Variants in MMRN1 observed in about 807,000 individuals in gnomAD.
MMRN1 encodes multimerin 1, also known as multimerin-1.
MMRN1 carries 94 observed loss-of-function variants against 100.7 expected under a neutral mutation model. That is an observed-to-expected ratio of 0.93 (90% CI 0.79 to 1.11). The LOEUF (loss-of-function observed/expected upper bound fraction) is 1.11. Among genes scored for constraint, MMRN1 ranks in the 50% least tolerant of loss-of-function variants. The pLI is 0.00. For synonymous variants in MMRN1, 575 were observed against 505.0 expected, an observed-to-expected ratio of 1.14 and a Z score of -1.86; for missense variants, 1,606 against 1,439.1, an observed-to-expected ratio of 1.12 and a Z score of -1.88.
chr4:89,947,109 C>T (rs1029263589), intron 6 of MMRN1, among the ~76,000 whole-genome samples: 1 of 152,056 alleles, frequency 6.6e-6, no homozygotes, highest in African/African-American at 2.4e-5. Context: ...CGGTGAAACC[C>T]CGTCTCTGCT....
At chr4:89,926,836 T>C (rs1011969401) in intron 4 of MMRN1, among the ~76,000 whole-genome samples, 1 of 152,184 alleles carries the variant, frequency 6.6e-6, no homozygotes, top group South Asian at 2.1e-4. Context: ...TCTAGAGTCA[T>C]TATTCTGCAT....
chr4:89,886,300 C>A (rs752094613), intron 1 of MMRN1, among the ~76,000 whole-genome samples: 3 of 152,050 alleles, frequency 2.0e-5, no homozygotes, highest in Non-Finnish European at 2.9e-5. Context: ...GTTATTGCTG[C>A]TTTGACTGAG....
intron 1 of MMRN1, among the ~76,000 whole-genome samples, chr4:89,900,176 T>C (rs1721339189): frequency 6.6e-6 from 1 of 152,112 alleles, no homozygotes; most frequent in Admixed American, 6.6e-5. Context: ...ATCTGACCAC[T>C]AGTGACTGAA....
chr4:89,891,355 C>T (rs1264894682), upstream of MMRN1, among the ~76,000 whole-genome samples: 1 of 151,998 alleles, frequency 6.6e-6, no homozygotes, highest in Admixed American at 6.6e-5. Context: ...GGAGTATGGT[C>T]ATAGCTTCAT....
At chr4:89,939,252 T>C (rs1250879644) in intron 6 of MMRN1, among the ~76,000 whole-genome samples, 1 of 152,130 alleles carries the variant, frequency 6.6e-6, no homozygotes, top group Non-Finnish European at 1.5e-5. Context: ...CCCACATAAC[T>C]AAAGCCAGAA....
chr4:89,945,076 T>G (rs188749950), intron 6 of MMRN1, among the ~76,000 whole-genome samples: 1 of 152,292 alleles, frequency 6.6e-6, no homozygotes, highest in African/African-American at 2.4e-5. Flanking sequence ...AATTCTATTT[T>G]TTCCAGAATA....
intron 3 of MMRN1, among the ~76,000 whole-genome samples, chr4:89,917,137 G>A (rs983111278): frequency 2.0e-5 from 3 of 151,590 alleles, no homozygotes; most frequent in Non-Finnish European, 4.4e-5. Flanking sequence ...GACAGAGAGA[G>A]CCCTTGCCCT....
upstream of MMRN1, among the ~76,000 whole-genome samples, chr4:89,890,878 T>C (rs1410462428): frequency 6.6e-6 from 1 of 152,072 alleles, no homozygotes; most frequent in Non-Finnish European, 1.5e-5. Context: ...TATGTTGTTT[T>C]TTTTTCCTGA....
At chr4:89,883,111 C>G (rs1026579540) in intron 1 of MMRN1, among the ~76,000 whole-genome samples, 1 of 152,022 alleles carries the variant, frequency 6.6e-6, no homozygotes, top group African/African-American at 2.4e-5. Context: ...CTTTTCATTG[C>G]AGAATATTAT....
At chr4:89,893,469 C>T (rs1221620965), upstream of MMRN1, among the ~76,000 whole-genome samples, 1 of 152,068 alleles carries the variant, frequency 6.6e-6, no homozygotes, top group Non-Finnish European at 1.5e-5. Context: ...GAGAAAATAT[C>T]TACAATAAAA....
chr4:89,922,949 T>C (rs529470680), intron 3 of MMRN1, among the ~76,000 whole-genome samples: 6 of 152,298 alleles, frequency 3.9e-5, no homozygotes, highest in Admixed American at 6.5e-5. Context: ...TAATTTTATT[T>C]TTTTTTCCAA....
At chr4:89,914,468 T>C (rs1161732200) in intron 3 of MMRN1, among the ~76,000 whole-genome samples, 1 of 151,392 alleles carries the variant, frequency 6.6e-6, no homozygotes, top group Non-Finnish European at 1.5e-5. Flanking sequence ...GATTACCTTA[T>C]AAAAATATTC....
At chr4:89,933,907 T>C (rs1339080866) in intron 5 of MMRN1, among the ~76,000 whole-genome samples, 2 of 152,220 alleles carry the variant, frequency 1.3e-5, no homozygotes, top group Non-Finnish European at 2.9e-5. Flanking sequence ...CTCTAGTATA[T>C]GTATCTTTTC....
chr4:89,932,269 A>G (rs973763756), intron 5 of MMRN1, among the ~76,000 whole-genome samples: 4 of 152,162 alleles, frequency 2.6e-5, no homozygotes, highest in African/African-American at 9.7e-5. Flanking sequence ...GTGGGTCCCC[A>G]TGGTGGTGGG....
At chr4:89,951,158 G>GT (rs151005856) in intron 6 of MMRN1, among the ~76,000 whole-genome samples, 1 of 151,646 alleles carries the variant, frequency 6.6e-6, no homozygotes, top group Non-Finnish European at 1.5e-5. Flanking sequence ...AATCATATTG[G>GT]TTTTTTTATA....
chr4:89,936,248 A>G lies in MMRN1; in HGVS notation c.2568A>G (p.Lys856=). The G allele has an allele frequency of 6.2e-7, 1 of 1,603,522 alleles. No homozygotes were observed. Among genetic ancestry groups the G allele is most frequent in the South Asian group, 1.1e-5 (1 of 88,202 alleles). The part of the protein sequence containing the change: ...EKLLLTTKIS[K]NFETRLQDIE... ...TACTCTTAACTACCAAGATTTCCAAAAATTTTGAGACTCGGTTGCAAGACA... is the reference window on the plus strand; with the variant it reads ...TACTCTTAACTACCAAGATTTCCAAGAATTTTGAGACTCGGTTGCAAGACA... The change falls in exon 6 of 8, where the codon AAA becomes AAG. Residue 856 remains lysine, a synonymous_variant. Transcript: ENST00000264790.
rs745711366 is a variant in MMRN1, at chr4:89,895,500, C to A, written c.529C>A (p.Arg177=). ...GVGGTGGVGN[R]APRETYLSRG... is the part of the protein sequence containing the mutation. ...TGGAGGCACTGGAGGCGTGGGAAAT[C>A]GAGCCCCACGGGAAACATACCTCAG... The change falls in exon 1 of 8, where the codon CGA becomes AGA. Residue 177 remains arginine, a synonymous_variant. Coordinates refer to ENST00000264790, the MANE Select transcript of MMRN1 (RefSeq NM_007351.3). The A allele has an allele frequency of 1.9e-6, 3 of 1,613,652 alleles. No individual in the cohort carries two copies. The highest frequency in any genetic ancestry group is 2.7e-5 in the African/African-American group (2 of 74,886).
At chr4:89,885,284 C>T (rs1456278760) in intron 1 of MMRN1, among the ~76,000 whole-genome samples, 1 of 151,910 alleles carries the variant, frequency 6.6e-6, no homozygotes, top group Non-Finnish European at 1.5e-5. Context: ...TTTGAATTAC[C>T]CCTGTGGGAT....
In MMRN1 at chr4:89,904,045, A is replaced by T. The variant is rs558238456; in HGVS notation, c.624-5231A>T. ...CTTCTAATTCTGATCTACGAGGTGA[A>T]AAAAGCATGTATTGATGACAACTCT... On this transcript the variant is annotated intron_variant, in intron 1 of 7. Transcript: ENST00000264790. 3.3e-5 allele frequency among the ~76,000 whole-genome samples: 5 copies of T among 151,818 alleles called. No homozygotes were observed. In the East Asian group the frequency reaches 7.8e-4, roughly 24 times the overall value.
Sources: allele counts gnomAD v4.1 joint callset (sites outside exome capture counted in the v4.1 genomes callset), GRCh38; gene constraint gnomAD v4.1.1; transcripts MANE v1.5; gene names NCBI Gene and HGNC (gene_info 2026-07-23, HGNC 2026-07-21).